PAQR3: variants seen among roughly 807,000 people sequenced by gnomAD.
PAQR3 encodes Raf kinase trapping to Golgi.
PAQR3 carries 39 observed loss-of-function variants against 41.7 expected under a neutral mutation model. That is an observed-to-expected ratio of 0.93 (90% CI 0.72 to 1.22). PAQR3 has a LOEUF of 1.22. Among genes scored for constraint, PAQR3 ranks in the 50% most tolerant of loss-of-function variants. The pLI, the probability that PAQR3 is intolerant of heterozygous loss-of-function variation, is 0.00. For synonymous variants in PAQR3, 140 were observed against 140.6 expected (o/e 1.00, Z 0.03); for missense variants, 366 against 385.6 (o/e 0.95, Z 0.42).
In PAQR3 at chr4:78,913,017, G is replaced by A. The variant is rs570365230; in HGVS notation, c.*7522C>T. 20 of 152,234 alleles carry A rather than the reference G, an allele frequency of 1.3e-4. No homozygotes were observed. The East Asian group carries it at 2.5e-3, about 19-fold the overall frequency. 9.4% of individuals were successfully genotyped at this position (152,234 alleles called of 1,614,324 possible). A position where few individuals can be genotyped will look rare whatever the true frequency, so the allele number is the denominator to read the frequency against. On this transcript the variant is annotated 3_prime_UTR_variant, in exon 6 of 6. Transcript: ENST00000512733. Reference sequence around the variant, plus strand: ...TTATTTTATGAAGAAAATATGTAGCGGAAACTGAATTTTCAAGACATTTAC... The same window carrying A: ...TTATTTTATGAAGAAAATATGTAGCAGAAACTGAATTTTCAAGACATTTAC...
chr4:78,908,445 G>T (rs1734395295), downstream of PAQR3, among the ~76,000 whole-genome samples: 1 of 152,076 alleles, frequency 6.6e-6, no homozygotes. Flanking sequence ...AGTTTGTTTT[G>T]TATGTTCATC....
chr4:78,910,609 G>C (rs1734535245), downstream of PAQR3: 1 of 1,524,416 alleles, frequency 6.6e-7, no homozygotes. Context: ...TGAACTTGCA[G>C]GTTCTCCTGA....
At chr4:78,923,291 A>G (rs1578013535) in intron 5 of PAQR3, among the ~76,000 whole-genome samples, 1 of 152,056 alleles carries the variant, frequency 6.6e-6, no homozygotes, top group Non-Finnish European at 1.5e-5. Context: ...TTCGATGTAC[A>G]TATTGTGAAG....
rs2110088340 is a variant in PAQR3, at chr4:78,897,225, AC to A, written c.*836+8882del. ...TTTTAAGCCTTATTTCTGGGAACTT[AC>A]CTTAAGAAAATAACATAACATCTTG... On this transcript the variant is annotated intron_variant and NMD_transcript_variant, in intron 11 of 12. Coordinates refer to the PAQR3 transcript ENST00000342820. Among the ~76,000 whole-genome samples the A allele has an allele frequency of 2.6e-5, 4 of 152,152 alleles. No individual in the cohort carries two copies. In the East Asian group the frequency reaches 7.7e-4, roughly 29 times the overall value.
intron 3 of PAQR3, 69 bp downstream of exon 3, chr4:78,930,101 A>G (rs966883707): frequency 1.4e-5 from 20 of 1,433,580 alleles, no homozygotes; most frequent in Non-Finnish European, 1.7e-5. Flanking sequence ...CAGAAATTCA[A>G]AAGAACCAAG....
Position 78,920,106 on chromosome 4 carries a change from A to C in PAQR3, c.*433T>G. 1.0e-6 allele frequency: 1 copy of C among 986,174 alleles called. No individual in the cohort carries two copies. The highest frequency in any genetic ancestry group is 1.2e-6 in the Non-Finnish European group (1 of 830,210). The allele number at this position is 986,174 out of a possible 1,614,324, so 61.1% of individuals were successfully genotyped here. On this transcript the variant is annotated 3_prime_UTR_variant, in exon 6 of 6. Coordinates refer to ENST00000512733, the MANE Select transcript of PAQR3 (RefSeq NM_001040202.2). Reference sequence around the variant, plus strand: ...TAAAATCACTATCCTAGCTTGCATTAAGCATAGGCTGAAACAACACTTGCC... The same window carrying C: ...TAAAATCACTATCCTAGCTTGCATTCAGCATAGGCTGAAACAACACTTGCC...
chr4:78,923,649 A>C (rs1391024468), intron 5 of PAQR3: 11 of 577,384 alleles, frequency 1.9e-5, no homozygotes, highest in South Asian at 1.3e-4. Flanking sequence ...AACAGTGACA[A>C]CACCACCTAC....
intron 1 of PAQR3, among the ~76,000 whole-genome samples, chr4:78,936,668 G>A (rs1280622896): frequency 6.6e-6 from 1 of 152,200 alleles, no homozygotes; most frequent in South Asian, 2.1e-4. Context: ...CTTATAACTG[G>A]AGGAAGGGAT....
chr4:78,913,286 TCTG>T lies in PAQR3; in HGVS notation c.*7250_*7252del, dbSNP rs1560563046. 6.6e-6 allele frequency: 1 copy of T among 152,182 alleles called. No individual in the cohort carries two copies. The highest frequency in any genetic ancestry group is 2.4e-5 in the African/African-American group (1 of 41,462). 9.4% of individuals were successfully genotyped at this position (152,182 alleles called of 1,614,324 possible). ...ATATAAGGTGGACTAGCATCTTAATTCTGCTAGTTGATTGTGTCTTTACTGAAA... is the reference window on the plus strand; with the variant it reads ...ATATAAGGTGGACTAGCATCTTAATTCTAGTTGATTGTGTCTTTACTGAAA... On this transcript the variant is annotated 3_prime_UTR_variant, in exon 6 of 6. Transcript: ENST00000512733.
chr4:78,930,023 T>A (rs1161962505), intron 3 of PAQR3, 147 bp downstream of exon 3: 4 of 646,578 alleles, frequency 6.2e-6, no homozygotes, highest in Non-Finnish European at 9.8e-6. Context: ...ACAGGGCCAT[T>A]CTGAAAAATA....
chr4:78,903,758 G>A (rs1175877517), intron 11 of PAQR3, among the ~76,000 whole-genome samples: 2 of 151,958 alleles, frequency 1.3e-5, no homozygotes, highest in East Asian at 3.9e-4. Flanking sequence ...CATCCTGTTC[G>A]TGGCTTTTAT....
rs1464063019 is a variant in PAQR3, at chr4:78,918,198, A to G, written c.*2341T>C. 17 of 938,936 alleles carry G rather than the reference A, an allele frequency of 1.8e-5. No homozygotes were observed. The South Asian group carries it at 5.9e-4, about 33-fold the overall frequency. 58.2% of individuals were successfully genotyped at this position (938,936 alleles called of 1,614,324 possible). On this transcript the variant is annotated 3_prime_UTR_variant, in exon 6 of 6. Coordinates refer to ENST00000512733, the MANE Select transcript of PAQR3 (RefSeq NM_001040202.2). Reference sequence around the variant, plus strand: ...TAGTTCACACATTGGTAAAATTAAAACCAGTCTTTTTTAGTAATAAAACTG... The same window carrying G: ...TAGTTCACACATTGGTAAAATTAAAGCCAGTCTTTTTTAGTAATAAAACTG...
rs114630607 is a variant in PAQR3 at position 78,934,004 on chromosome 4, A to G, written c.348+1117T>C. On this transcript the variant is annotated intron_variant, in intron 2 of 5. Transcript: ENST00000512733. ...AGATGCACCTAAAAATTTAAAAAGA[A>G]ATTGATTCATTTCCATTATAAAATT... Among the ~76,000 whole-genome samples, 1,215 of 152,316 alleles carry G rather than the reference A, an allele frequency of 8.0e-3. 4 individuals are homozygous for G. Among genetic ancestry groups the G allele is most frequent in the Non-Finnish European group, 0.012 (831 of 68,028 alleles).
rs1455090066 is a variant in PAQR3 at position 78,919,864 on chromosome 4, G to A, written c.*675C>T. ...TCTAATCTTGTACTTAGTTTCTAAT[G>A]TGATTCTTATCTGATAGAAAATGAG... is the stretch of plus-strand genomic sequence containing the variant. On this transcript the variant is annotated 3_prime_UTR_variant, in exon 6 of 6. Transcript: ENST00000512733. 1 of 984,812 alleles carries A rather than the reference G, an allele frequency of 1.0e-6. No homozygotes were observed. The highest frequency in any genetic ancestry group is 1.2e-6 in the Non-Finnish European group (1 of 829,316). 61.0% of individuals were successfully genotyped at this position (984,812 alleles called of 1,614,324 possible).
In PAQR3 at chr4:78,926,591, G is replaced by T. The variant is rs776313637; in HGVS notation, c.632C>A (p.Ser211Ter). ...AAGAGTAGGAATCACTCCATATCCC[G>T]AAACAGAACAAAAGATGATAGAACG... ...RLRSIIFCSV[S>*]GYGVIPTLHW... Residue 211 changes from serine to a stop codon, truncating the protein, a stop_gained, in exon 4 of 6, where the codon TCG becomes TAG. Transcript: ENST00000512733. LOFTEE classifies it high-confidence loss of function. The T allele has an allele frequency of 6.2e-7, 1 of 1,613,890 alleles. No individual in the cohort carries two copies. The highest frequency in any genetic ancestry group is 8.5e-7 in the Non-Finnish European group (1 of 1,179,898).
chr4:78,922,055 G>A (rs910916942), intron 5 of PAQR3: 4 of 1,025,066 alleles, frequency 3.9e-6, no homozygotes, highest in Non-Finnish European at 4.7e-6. Context: ...AATTTTCATG[G>A]TTTAGTGTTC....
At chr4:78,890,766 C>T (rs1016043904) in intron 11 of PAQR3, among the ~76,000 whole-genome samples, 2 of 152,180 alleles carry the variant, frequency 1.3e-5, no homozygotes, top group African/African-American at 4.8e-5. Flanking sequence ...AGCTGTCACA[C>T]TTATAATTCT....
rs1735425289 is a variant in PAQR3 at position 78,919,380 on chromosome 4, G to A, written c.*1159C>T. Reference sequence around the variant, plus strand: ...ATATGAAAGACCAAAGAATAAGAGGGCTACAATGTATGATAGGGCAGTGAG... The same window carrying A: ...ATATGAAAGACCAAAGAATAAGAGGACTACAATGTATGATAGGGCAGTGAG... On this transcript the variant is annotated 3_prime_UTR_variant, in exon 6 of 6. Coordinates refer to ENST00000512733, the MANE Select transcript of PAQR3 (RefSeq NM_001040202.2). 7 of 984,308 alleles carry A rather than the reference G, an allele frequency of 7.1e-6. No homozygotes were observed. Among genetic ancestry groups the A allele is most frequent in the Non-Finnish European group, 8.4e-6 (7 of 829,046 alleles). The allele number at this position is 984,308 out of a possible 1,614,324, so 61.0% of individuals were successfully genotyped here.
intron 5 of PAQR3, chr4:78,922,888 A>G (rs1392643871): frequency 8.8e-6 from 4 of 455,942 alleles, no homozygotes; most frequent in African/African-American, 2.0e-5. Context: ...GTCTGACTCC[A>G]GAGCTAAAGT....
Sources: gnomAD v4.1 joint callset for allele counts (sites outside exome capture counted in the v4.1 genomes callset) on GRCh38, gnomAD v4.1.1 for gene constraint, MANE v1.5 for transcripts, NCBI Gene and HGNC (gene_info 2026-07-23, HGNC 2026-07-21) for gene names.